The following MTIF2 variants were observed in gnomAD, a reference collection of about 807,000 sequenced individuals.
MTIF2 encodes mitochondrial translational initiation factor 2.
In MTIF2, 71 loss-of-function variants were observed where a neutral mutation model predicts 83.5. The observed-to-expected ratio is 0.85, with a 90% CI of 0.70 to 1.04. The LOEUF is 1.04. MTIF2 is among the 50% of genes least tolerant of loss of function. MTIF2 has a pLI of 0.00. For synonymous variants in MTIF2, 319 were observed against 287.1 expected (o/e 1.11, Z -1.12); for missense variants, 957 against 846.5 (o/e 1.13, Z -1.62).
At position 55,241,736 on chromosome 2, in the gene MTIF2, G is replaced by A. The variant is rs577527450; in HGVS notation, c.1705+1204C>T. 1.4e-3 allele frequency among the ~76,000 whole-genome samples: 212 copies of A among 151,932 alleles called. 4 individuals are homozygous for A. The South Asian group carries it at 0.038, about 27-fold the overall frequency. ...TGGGTGCCTATAATCCCAGCTACTC[G>A]GGAAGCTGGGGCAGGAGAATCGCTT... On this transcript the variant is annotated intron_variant, in intron 13 of 15. Transcript: ENST00000263629.
intron 10 of MTIF2, among the ~76,000 whole-genome samples, 183 bp from the exon 11 acceptor site, chr2:55,244,416 C>T (rs976646344): frequency 6.6e-6 from 1 of 152,162 alleles, no homozygotes; most frequent in Non-Finnish European, 1.5e-5. Context: ...GGCACATCTG[C>T]AATCCCAGCT....
Position 55,244,113 on chromosome 2 carries a change from C to T in MTIF2, c.1227G>A (p.Glu409=). ...TTCCCACTGGCATGCTGGGATAGGC[C>T]TCATCAATTGTTTTTCCATTTTCAT... ...MFDENGKTID[E]AYPSMPVGIT... The change falls in exon 11 of 16, where the codon GAG becomes GAA. Residue 409 remains glutamate, a synonymous_variant. Transcript: ENST00000263629. 2 of 1,614,086 alleles carry T rather than the reference C, an allele frequency of 1.2e-6. No homozygotes were observed. Among genetic ancestry groups the T allele is most frequent in the East Asian group, 4.5e-5 (2 of 44,874 alleles).
intron 7 of MTIF2, 22 bp downstream of exon 7, chr2:55,254,019 G>A (rs1677316382): frequency 6.2e-7 from 1 of 1,611,910 alleles, no homozygotes; most frequent in Non-Finnish European, 8.5e-7. Flanking sequence ...CAAGCACATT[G>A]TAAGGTAATT....
chr2:55,263,799 T>C lies in MTIF2; in HGVS notation c.60A>G (p.Gln20=), dbSNP rs1414223401. 4.3e-6 allele frequency: 7 copies of C among 1,614,016 alleles called. No homozygotes were observed. The East Asian group carries it at 1.6e-4, about 36-fold the overall frequency. The change falls in exon 4 of 16, where the codon CAA becomes CAG. Residue 20 remains glutamine (Q), a synonymous_variant. Transcript: ENST00000263629. ...NLLRFHTIYR[Q]LHSLCQRRAL... is the part of the protein sequence containing the mutation. ...CTCTTCTTTGACACAGACTGTGCAG[T>C]TGCCTATAAATAGTGTGAAATCGTA...
At chr2:55,239,928 G>T in intron 14 of MTIF2, 83 bp downstream of exon 14, 1 of 1,211,448 alleles carries the variant, frequency 8.3e-7, no homozygotes, top group Non-Finnish European at 1.1e-6. Flanking sequence ...CATTGAAAAC[G>T]TTTCCTCTAA....
intron 14 of MTIF2, among the ~76,000 whole-genome samples, chr2:55,238,196 A>AT (rs1573845247): frequency 6.6e-6 from 1 of 151,222 alleles, no homozygotes; most frequent in Non-Finnish European, 1.5e-5. Context: ...ATGCCCACTA[A>AT]TTTTTTTATT....
At chr2:55,257,490 A>T (rs1677638051) in intron 5 of MTIF2, among the ~76,000 whole-genome samples, 1 of 152,206 alleles carries the variant, frequency 6.6e-6, no homozygotes, top group Non-Finnish European at 1.5e-5. Flanking sequence ...AGAAAAAAAT[A>T]AAAGGAAGAA....
intron 5 of MTIF2, among the ~76,000 whole-genome samples, chr2:55,257,637 G>C (rs1677645941): frequency 6.6e-6 from 1 of 152,110 alleles, no homozygotes; most frequent in East Asian, 1.9e-4. Flanking sequence ...GTGCAAATAT[G>C]CCCACCATGG....
Position 55,254,798 on chromosome 2 carries a change from G to C in MTIF2, c.359C>G (p.Thr120Ser). 1 of 1,600,244 alleles carries C rather than the reference G, an allele frequency of 6.2e-7. No homozygotes were observed. The highest frequency in any genetic ancestry group is 8.5e-7 in the Non-Finnish European group (1 of 1,174,712). Residue 120 changes from threonine (T) to serine (S), a missense_variant, in exon 6 of 16, where the codon ACT (threonine) becomes AGT (serine). Around this residue, in one of 3 missense-constraint regions of MTIF2, gnomAD observed 733 missense variants for 648.7 expected, o/e 1.13. Coordinates refer to ENST00000263629, the MANE Select transcript of MTIF2 (RefSeq NM_002453.3). ...TTCCAGTGAATCTATGTCAATATCAGTGTTCAATAAAGCTTCATATACATA... is the reference window on the plus strand; with the variant it reads ...TTCCAGTGAATCTATGTCAATATCACTGTTCAATAAAGCTTCATATACATA... ...TDYVYEALLNTDIDIDSLEAD... is the reference protein window; with the variant it reads ...TDYVYEALLNSDIDIDSLEAD...
chr2:55,261,085 C>G (rs919244036), intron 5 of MTIF2, among the ~76,000 whole-genome samples: 4 of 151,654 alleles, frequency 2.6e-5, no homozygotes, highest in Non-Finnish European at 5.9e-5. Context: ...CTCCACGGTT[C>G]ACGCCATTCT....
chr2:55,243,289 GT>G, intron 12 of MTIF2, 126 bp downstream of exon 12: 1 of 1,121,272 alleles, frequency 8.9e-7, no homozygotes, highest in Non-Finnish European at 1.2e-6. Flanking sequence ...CAAGAAATAT[GT>G]TGACTAAGAA....
At chr2:55,241,822 G>A (rs1676336180) in intron 13 of MTIF2, among the ~76,000 whole-genome samples, 1 of 151,824 alleles carries the variant, frequency 6.6e-6, no homozygotes, top group Non-Finnish European at 1.5e-5. Context: ...CAGCCTGGTT[G>A]ACAAAAGCAA....
Position 55,246,322 on chromosome 2 carries a change from T to C in MTIF2, c.1106+15A>G. 6.3e-7 allele frequency: 1 copy of C among 1,591,054 alleles called. No individual in the cohort carries two copies. The highest frequency in any genetic ancestry group is 2.2e-5 in the East Asian group (1 of 44,634). ...ACAGAACAAATTAAAAAGGCAAGCATTTTAAGAGTCCTACCCTCTTCCTTT... is the reference window on the plus strand; with the variant it reads ...ACAGAACAAATTAAAAAGGCAAGCACTTTAAGAGTCCTACCCTCTTCCTTT... On this transcript the variant is annotated intron_variant, in intron 10 of 15. Transcript: ENST00000263629.
chr2:55,263,710 GCA>G lies in MTIF2; in HGVS notation c.147_148del (p.Ala50LeufsTer17). On this transcript the variant is annotated frameshift_variant, in exon 4 of 16. Transcript: ENST00000263629. LOFTEE classifies it high-confidence loss of function. ...GAGCACATCTGTTGGCCAGGGCCAG[GCA>G]CACAGTTGAGCTGTCCACACAGGGT... is the stretch of plus-strand genomic sequence containing the variant. The G allele has an allele frequency of 6.2e-7, 1 of 1,614,120 alleles. No homozygotes were observed. Among genetic ancestry groups the G allele is most frequent in the Non-Finnish European group, 8.5e-7 (1 of 1,180,022 alleles).
intron 4 of MTIF2, 31 bp downstream of exon 4, chr2:55,263,609 C>T (rs1480884418): frequency 1.5e-6 from 2 of 1,314,392 alleles, no homozygotes; most frequent in Non-Finnish European, 2.1e-6. Context: ...GACTCCATCT[C>T]AAAAAAAAAA....
At chr2:55,254,599 A>T in intron 6 of MTIF2, 55 bp downstream of exon 6, 1 of 1,368,414 alleles carries the variant, frequency 7.3e-7, no homozygotes, top group African/African-American at 1.5e-5. Context: ...AAAAAGTGTA[A>T]ATATAACTAT....
chr2:55,263,410 G>C (rs955289716), intron 4 of MTIF2, among the ~76,000 whole-genome samples: 2 of 152,026 alleles, frequency 1.3e-5, no homozygotes, highest in African/African-American at 4.8e-5. Flanking sequence ...CATGGTTCTA[G>C]GCACTTTCAT....
chr2:55,237,578 T>C (rs1675953469), intron 14 of MTIF2, 150 bp from the exon 15 acceptor site: 1 of 554,668 alleles, frequency 1.8e-6, no homozygotes, highest in Non-Finnish European at 2.9e-6. Flanking sequence ...ACTCCAATTT[T>C]ATTTTCCTGA....
At chr2:55,263,275 A>C (rs1051560890) in intron 4 of MTIF2, among the ~76,000 whole-genome samples, 7 of 152,226 alleles carry the variant, frequency 4.6e-5, no homozygotes, top group Non-Finnish European at 1.0e-4. Context: ...AACCAAATTC[A>C]TCAGCACCAC....
Sources: gnomAD v4.1 joint callset for allele counts (sites outside exome capture counted in the v4.1 genomes callset) on GRCh38, gnomAD v4.1.1 for gene constraint, gnomAD v4.1.1 regional missense constraint, MANE v1.5 for transcripts, NCBI Gene and HGNC (gene_info 2026-07-23, HGNC 2026-07-21) for gene names.